Variants in DDC observed in about 807,000 individuals in gnomAD.
DDC encodes the protein dopa decarboxylase.
DDC carries 43 observed loss-of-function variants against 60.0 expected under a neutral mutation model. The ratio of observed to expected loss-of-function variants is 0.72; its 90% CI spans 0.56 to 0.92. DDC has a LOEUF of 0.92. Ranked by LOEUF, DDC falls within the 40% of genes least tolerant of loss-of-function variation. The probability of loss-of-function intolerance (pLI) is 0.00; values close to 1 mark genes in which losing one functional copy is unlikely to be tolerated. For missense variants in DDC, 573 were observed against 620.2 expected (o/e 0.92, Z 0.81); for synonymous variants, 232 against 234.6 (o/e 0.99, Z 0.10).
At chr7:50,483,123 A>G (rs1317789149) in intron 9 of DDC, among the ~76,000 whole-genome samples, 1 of 152,182 alleles carries the variant, frequency 6.6e-6, no homozygotes, top group Non-Finnish European at 1.5e-5. Flanking sequence ...TTCACCATTA[A>G]GTAAAGGTTC....
intron 9 of DDC, chr7:50,493,090 T>G: frequency 8.8e-7 from 1 of 1,139,736 alleles, no homozygotes; most frequent in Non-Finnish European, 1.3e-6. Context: ...AAAATATTTC[T>G]GGTCCCTGAC....
At chr7:50,498,887 T>A (rs1415285147) in intron 8 of DDC, among the ~76,000 whole-genome samples, 2 of 152,266 alleles carry the variant, frequency 1.3e-5, no homozygotes, top group African/African-American at 4.8e-5. Flanking sequence ...CACAGTTTTA[T>A]AAGCTAACAT....
At chr7:50,536,640 G>A (rs1185396226) in intron 4 of DDC, among the ~76,000 whole-genome samples, 1 of 152,234 alleles carries the variant, frequency 6.6e-6, no homozygotes, top group Admixed American at 6.5e-5. Context: ...ACCCAGGTCA[G>A]ACTTCTGATG....
chr7:50,542,647 T>A (rs563705672), intron 2 of DDC: 4 of 152,218 alleles, frequency 2.6e-5, no homozygotes, highest in African/African-American at 9.7e-5. Flanking sequence ...AGACTTCAAA[T>A]CCTCCCTTAC....
At chr7:50,517,921 T>C (rs543293226) in intron 6 of DDC, among the ~76,000 whole-genome samples, 13 of 147,850 alleles carry the variant, frequency 8.8e-5, no homozygotes, top group Non-Finnish European at 1.6e-4. Context: ...AAAGAAATCA[T>C]AGATGGGGCC....
At chr7:50,509,946 C>T (rs1211227257) in intron 6 of DDC, among the ~76,000 whole-genome samples, 2 of 151,884 alleles carry the variant, frequency 1.3e-5, no homozygotes, top group East Asian at 1.9e-4. Flanking sequence ...TTCTCATTTA[C>T]TTATCTTACT....
chr7:50,562,105 C>T (rs557810029), intron 1 of DDC, among the ~76,000 whole-genome samples: 6 of 152,344 alleles, frequency 3.9e-5, no homozygotes, highest in African/African-American at 1.4e-4. Flanking sequence ...CTTTAAGCAG[C>T]ATCTTTTCAA....
chr7:50,475,013 A>G (rs1362329328), intron 11 of DDC, among the ~76,000 whole-genome samples: 3 of 152,236 alleles, frequency 2.0e-5, no homozygotes, highest in African/African-American at 7.2e-5. Flanking sequence ...TAACAGGGAA[A>G]TAATTATACC....
chr7:50,551,999 G>A (rs1426435633), intron 1 of DDC, among the ~76,000 whole-genome samples: 3 of 152,158 alleles, frequency 2.0e-5, no homozygotes, highest in Non-Finnish European at 4.4e-5. Flanking sequence ...TTAAGTCACA[G>A]CACCAGGCCA....
chr7:50,529,569 C>T (rs1008694593), intron 4 of DDC, among the ~76,000 whole-genome samples: 1 of 152,196 alleles, frequency 6.6e-6, no homozygotes. Context: ...TTTTGTGTAA[C>T]AGCAGCAGCT....
chr7:50,460,422 CCCTGCCCGGCCAGCCG>C (rs2153532374), intron 14 of DDC, among the ~76,000 whole-genome samples: 1 of 149,866 alleles, frequency 6.7e-6, no homozygotes, highest in Non-Finnish European at 1.5e-5. Flanking sequence ...GGGGTCAGCC[CCCTGCCCGGCCAGCCG>C]CCCCGTCCGG....
At chr7:50,557,331 C>T (rs1218000518) in intron 1 of DDC, among the ~76,000 whole-genome samples, 1 of 152,208 alleles carries the variant, frequency 6.6e-6, no homozygotes, top group Non-Finnish European at 1.5e-5. Flanking sequence ...TGGAAAGATG[C>T]TACTTCCACT....
intron 9 of DDC, among the ~76,000 whole-genome samples, chr7:50,483,639 A>C (rs2042817710): frequency 1.3e-5 from 2 of 152,148 alleles, no homozygotes; most frequent in Admixed American, 1.3e-4. Flanking sequence ...GCAGTGGCTC[A>C]CACCTGTAAT....
chr7:50,561,044 TCTC>T, intron 1 of DDC: 1 of 88,272 alleles, frequency 1.1e-5, no homozygotes, highest in African/African-American at 3.7e-5. Flanking sequence ...CTCTCTGTCC[TCTC>T]TCTCTCCTCT....
intron 11 of DDC, among the ~76,000 whole-genome samples, chr7:50,471,679 C>T (rs149136028): frequency 1.9e-4 from 29 of 152,256 alleles, no homozygotes; most frequent in African/African-American, 7.0e-4. Context: ...AGTGACTTGC[C>T]CAATGTCACC....
chr7:50,533,262 T>G (rs541063637), intron 4 of DDC, among the ~76,000 whole-genome samples: 35 of 152,126 alleles, frequency 2.3e-4, no homozygotes, highest in African/African-American at 8.4e-4. Context: ...TTTTCATTTT[T>G]ACCATGAATG....
intron 1 of DDC, among the ~76,000 whole-genome samples, chr7:50,564,537 C>T (rs185248049): frequency 7.3e-4 from 111 of 152,334 alleles, no homozygotes; most frequent in Admixed American, 3.3e-3. Flanking sequence ...TTTTAACTCA[C>T]GCATGATGGA....
chr7:50,459,042 A>ACTGCAGCCTCC (rs2042187411), intron 14 of DDC, among the ~76,000 whole-genome samples, 199 bp from the exon 15 acceptor site: 1 of 151,574 alleles, frequency 6.6e-6, no homozygotes, highest in Non-Finnish European at 1.5e-5. Context: ...ATCTCGGCTC[A>ACTGCAGCCTCC]CTGCAGCCTC....
intron 9 of DDC, among the ~76,000 whole-genome samples, chr7:50,490,164 T>A (rs752214709): frequency 1.3e-4 from 20 of 152,234 alleles, no homozygotes; most frequent in African/African-American, 4.8e-4. Flanking sequence ...AAAATAAGGG[T>A]GACCTACAGA....
Sources: allele counts gnomAD v4.1 joint callset (sites outside exome capture counted in the v4.1 genomes callset), GRCh38; gene constraint gnomAD v4.1.1; transcripts MANE v1.5; gene names NCBI Gene and HGNC (gene_info 2026-07-23, HGNC 2026-07-21).